SPOCK3: variants seen among roughly 807,000 people sequenced by gnomAD.
The protein encoded by SPOCK3 is testican-3.
A neutral mutation model predicts 56.6 loss-of-function variants in SPOCK3; 30 were observed. That is an observed-to-expected ratio of 0.53 (90% CI 0.40 to 0.72). The LOEUF is 0.72. SPOCK3 is among the 30% of genes least tolerant of loss of function. The pLI, the probability that SPOCK3 is intolerant of heterozygous loss-of-function variation, is 0.00. For missense variants in SPOCK3, 527 were observed against 530.0 expected (o/e 0.99, Z 0.06); for synonymous variants, 196 against 183.3 (o/e 1.07, Z -0.56).
At position 167,066,620 on chromosome 4, in the gene SPOCK3, T is replaced by C. The variant is rs184919087; in HGVS notation, c.190-4083A>G. Among the ~76,000 whole-genome samples the C allele has an allele frequency of 3.9e-5, 6 of 152,034 alleles. No individual in the cohort carries two copies. The East Asian group carries it at 1.2e-3, about 30-fold the overall frequency. On this transcript the variant is annotated intron_variant, in intron 2 of 10. Coordinates refer to ENST00000357545, the MANE Select transcript of SPOCK3 (RefSeq NM_001040159.2). ...GAACACTTTACAACTGTATGGGTTT[T>C]TTTCTCCAAAATATTTAATGGCTAT...
chr4:167,205,314 T>TA, intron 2 of SPOCK3, among the ~76,000 whole-genome samples: 1 of 48,514 alleles, frequency 2.1e-5, no homozygotes, highest in Non-Finnish European at 3.6e-5. Flanking sequence ...ATATTATATA[T>TA]TTTATATATA....
chr4:167,231,476 G>C (rs1737173817), intron 2 of SPOCK3, among the ~76,000 whole-genome samples: 1 of 151,936 alleles, frequency 6.6e-6, no homozygotes, highest in Non-Finnish European at 1.5e-5. Flanking sequence ...ATGTTTCTTT[G>C]CCCTCATATA....
At chr4:166,900,501 G>A (rs77898980) in intron 5 of SPOCK3, among the ~76,000 whole-genome samples, 4,394 of 152,230 alleles carry the variant, frequency 0.029, 184 homozygotes, top group African/African-American at 0.09. Flanking sequence ...TAGCGAATAA[G>A]ATGCAAGGAG....
intron 2 of SPOCK3, among the ~76,000 whole-genome samples, chr4:167,120,712 A>G (rs1262287331): frequency 6.6e-6 from 1 of 152,072 alleles, no homozygotes; most frequent in Non-Finnish European, 1.5e-5. Context: ...AATAGGAAAT[A>G]TGACTTTACA....
In SPOCK3 at chr4:167,163,085, G is replaced by C. The variant is rs185065185; in HGVS notation, c.189+70900C>G. 3.3e-4 allele frequency among the ~76,000 whole-genome samples: 50 copies of C among 150,062 alleles called. No homozygotes were observed. The East Asian group carries it at 9.2e-3, about 28-fold the overall frequency. On this transcript the variant is annotated intron_variant, in intron 2 of 10. Coordinates refer to ENST00000357545, the MANE Select transcript of SPOCK3 (RefSeq NM_001040159.2). ...AAAGTGTTATTTAAAATTTTTCTTAGCTTTTATTATAATTTTTATTTACAT... is the reference window on the plus strand; with the variant it reads ...AAAGTGTTATTTAAAATTTTTCTTACCTTTTATTATAATTTTTATTTACAT...
chr4:166,923,343 A>G (rs1053431762), intron 4 of SPOCK3, among the ~76,000 whole-genome samples: 15 of 152,184 alleles, frequency 9.9e-5, no homozygotes, highest in African/African-American at 3.6e-4. Context: ...ACATAGTAAT[A>G]TTCACTCTTA....
intron 6 of SPOCK3, among the ~76,000 whole-genome samples, chr4:166,838,720 G>A (rs764802810): frequency 1.4e-5 from 2 of 140,662 alleles, no homozygotes; most frequent in African/African-American, 2.6e-5. Context: ...TTGGGAGGCC[G>A]TGAGCGGATC....
intron 2 of SPOCK3, among the ~76,000 whole-genome samples, chr4:167,192,427 G>C (rs1732551637): frequency 6.9e-6 from 1 of 145,550 alleles, no homozygotes; most frequent in Non-Finnish European, 1.5e-5. Flanking sequence ...GCTTTTATTT[G>C]TTGAGAGACT....
chr4:167,201,095 G>A (rs1236359809), intron 2 of SPOCK3, among the ~76,000 whole-genome samples: 2 of 151,892 alleles, frequency 1.3e-5, no homozygotes, highest in African/African-American at 2.4e-5. Context: ...TAGAAAAACA[G>A]GGACAGAGAT....
chr4:167,016,370 T>C (rs1750613816), intron 3 of SPOCK3, among the ~76,000 whole-genome samples: 1 of 152,086 alleles, frequency 6.6e-6, no homozygotes, highest in Non-Finnish European at 1.5e-5. Flanking sequence ...GAGGATAAAA[T>C]GCTGCTATAT....
intron 2 of SPOCK3, among the ~76,000 whole-genome samples, chr4:167,089,874 T>C (rs1157980628): frequency 6.6e-6 from 1 of 152,176 alleles, no homozygotes; most frequent in African/African-American, 2.4e-5. Context: ...GTTATACAAA[T>C]GGAATAATGG....
At chr4:167,031,825 C>G (rs988920782) in intron 3 of SPOCK3, among the ~76,000 whole-genome samples, 14 of 152,010 alleles carry the variant, frequency 9.2e-5, no homozygotes, top group Admixed American at 3.3e-4. Flanking sequence ...CATGACACAA[C>G]TTTAGTTATA....
chr4:166,776,444 AC>A lies in SPOCK3; in HGVS notation c.709+15725del, dbSNP rs1739560489. Reference sequence around the variant, plus strand: ...AAGAAAACAAAAAAACAACAAACAAACAAACAAAAAACAACAAAAACATTTT... The same window carrying A: ...AAGAAAACAAAAAAACAACAAACAAAAAACAAAAAACAACAAAAACATTTT... On this transcript the variant is annotated intron_variant, in intron 7 of 10. Transcript: ENST00000357545. Among the ~76,000 whole-genome samples the A allele has an allele frequency of 2.0e-5, 3 of 152,032 alleles. No homozygotes were observed. The South Asian group carries it at 6.3e-4, about 32-fold the overall frequency.
chr4:167,182,326 C>A (rs900484449), intron 2 of SPOCK3, among the ~76,000 whole-genome samples: 2 of 151,738 alleles, frequency 1.3e-5, no homozygotes, highest in Non-Finnish European at 2.9e-5. Context: ...ATGATCCCCC[C>A]CAATCTGATT....
chr4:167,010,802 A>C (rs996197956), intron 3 of SPOCK3, among the ~76,000 whole-genome samples: 1 of 151,186 alleles, frequency 6.6e-6, no homozygotes, highest in African/African-American at 2.5e-5. Flanking sequence ...CATTAATAGA[A>C]AAATGATTAA....
chr4:166,739,400 C>G (rs1734589456), intron 9 of SPOCK3, among the ~76,000 whole-genome samples: 1 of 152,008 alleles, frequency 6.6e-6, no homozygotes, highest in African/African-American at 2.4e-5. Flanking sequence ...ACCACCACAC[C>G]AAGGTAATTT....
chr4:167,052,319 C>T (rs181033165), intron 3 of SPOCK3, among the ~76,000 whole-genome samples: 19 of 152,256 alleles, frequency 1.2e-4, no homozygotes, highest in African/African-American at 3.4e-4. Context: ...TGGTTTCTAG[C>T]TTGAATATAA....
rs1181155086 is a variant in SPOCK3, at chr4:166,751,248, T to A, written c.931+3260A>T. Among the ~76,000 whole-genome samples the A allele has an allele frequency of 2.0e-5, 3 of 152,180 alleles. No homozygotes were observed. The East Asian group carries it at 5.8e-4, about 29-fold the overall frequency. ...AATCATATCTTTTAAAAAGAATGAA[T>A]TAATCCCCCATGCACTACACTTTGA... On this transcript the variant is annotated intron_variant, in intron 8 of 10. Transcript: ENST00000357545.
At chr4:166,749,214 A>G (rs1164482798) in intron 8 of SPOCK3, among the ~76,000 whole-genome samples, 1 of 137,790 alleles carries the variant, frequency 7.3e-6, no homozygotes, top group South Asian at 2.2e-4. Context: ...ACTGCTCACA[A>G]TAGCAAAGAC....
Sources: allele counts gnomAD v4.1 joint callset (sites outside exome capture counted in the v4.1 genomes callset), GRCh38; gene constraint gnomAD v4.1.1; transcripts MANE v1.5; gene names NCBI Gene and HGNC (gene_info 2026-07-23, HGNC 2026-07-21).